OOSP3: variants seen among roughly 807,000 people sequenced by gnomAD.
The protein encoded by OOSP3 is oocyte-secreted protein 3.
intron 2 of OOSP3, among the ~76,000 whole-genome samples, chr11:59,881,290 G>A (rs371872740): frequency 4.0e-5 from 6 of 151,730 alleles, no homozygotes; most frequent in African/African-American, 7.3e-5. Flanking sequence ...GCTTGAACCC[G>A]AGAGGTGGAG....
intron 2 of OOSP3, among the ~76,000 whole-genome samples, chr11:59,890,176 A>T (rs903750690): frequency 6.6e-6 from 1 of 152,108 alleles, no homozygotes; most frequent in Non-Finnish European, 1.5e-5. Flanking sequence ...GTGTCTTTGC[A>T]TATGAGATGT....
rs1404625346 is a variant in OOSP3 at position 59,882,017 on chromosome 11, T to G, written c.252+1578T>G. 2.0e-5 allele frequency among the ~76,000 whole-genome samples: 3 copies of G among 152,372 alleles called. 1 individual carries two copies. The highest frequency in any genetic ancestry group is 2.0e-4 in the Admixed American group (3 of 15,304). ...GCTGTTTCACATCTACAAAACTTAC[T>G]TCATGAAAGTTTGCAGATTTTTAAT... On this transcript the variant is annotated intron_variant, in intron 2 of 4. Transcript: ENST00000646438.
intron 2 of OOSP3, among the ~76,000 whole-genome samples, chr11:59,885,903 T>A (rs1377467569): frequency 6.6e-6 from 1 of 151,992 alleles, no homozygotes; most frequent in African/African-American, 2.4e-5. Flanking sequence ...AAAATTTTAT[T>A]TTATGTTCTG....
chr11:59,889,772 T>C (rs1353620680), intron 2 of OOSP3, among the ~76,000 whole-genome samples: 4 of 152,148 alleles, frequency 2.6e-5, no homozygotes, highest in African/African-American at 9.6e-5. Context: ...TCTGTTGTTT[T>C]GGGGTGTAGA....
At chr11:59,889,273 T>C (rs1853289043) in intron 2 of OOSP3, among the ~76,000 whole-genome samples, 2 of 152,110 alleles carry the variant, frequency 1.3e-5, no homozygotes, top group African/African-American at 4.8e-5. Flanking sequence ...ATTGATTTTT[T>C]TGAAGGGTTT....
chr11:59,889,643 A>G (rs948415619), intron 2 of OOSP3, among the ~76,000 whole-genome samples: 2 of 152,104 alleles, frequency 1.3e-5, no homozygotes, highest in Admixed American at 6.6e-5. Context: ...TAATTTGATT[A>G]TGCTGTGGTC....
At position 59,878,892 on chromosome 11, in the gene OOSP3, C is replaced by T; in HGVS notation, c.73+11C>T. ...CTGAGCAAGAGTCAGGTACAAGTGA[C>T]CTTTATATTTTGTTGTTTGAAGTCA... On this transcript the variant is annotated intron_variant, in intron 1 of 4. Transcript: ENST00000646438. 5.0e-6 allele frequency: 2 copies of T among 398,406 alleles called. No individual in the cohort carries two copies. Among genetic ancestry groups the T allele is most frequent in the Non-Finnish European group, 8.8e-6 (2 of 225,994 alleles). The allele number at this position is 398,406 out of a possible 1,614,324, so 24.7% of individuals were successfully genotyped here. A position where few individuals can be genotyped will look rare whatever the true frequency, so the allele number is the denominator to read the frequency against.
intron 2 of OOSP3, among the ~76,000 whole-genome samples, chr11:59,887,359 A>G (rs1486438067): frequency 1.3e-5 from 2 of 151,858 alleles, no homozygotes; most frequent in Non-Finnish European, 2.9e-5. Flanking sequence ...ATGTCATCAT[A>G]AAATCTTTGC....
At chr11:59,885,086 A>G (rs1273637957) in intron 2 of OOSP3, among the ~76,000 whole-genome samples, 2 of 152,114 alleles carry the variant, frequency 1.3e-5, no homozygotes, top group African/African-American at 2.4e-5. Flanking sequence ...CATAAATGGT[A>G]TTTAATTTTA....
intron 2 of OOSP3, among the ~76,000 whole-genome samples, chr11:59,891,019 A>G (rs1853307225): frequency 6.6e-6 from 1 of 151,972 alleles, no homozygotes; most frequent in African/African-American, 2.4e-5. Context: ...TTATTTCACA[A>G]TATATTCTTC....
At chr11:59,880,265 A>T (rs751574848) in exon 2 of OOSP3, 1 of 398,440 alleles carries the variant, frequency 2.5e-6, no homozygotes, top group South Asian at 1.3e-4. Context: ...CAACAGTGTC[A>T]GTAGGATGTA....
intron 2 of OOSP3, among the ~76,000 whole-genome samples, chr11:59,890,431 T>C (rs1250900445): frequency 1.3e-5 from 2 of 152,222 alleles, no homozygotes; most frequent in African/African-American, 2.4e-5. Flanking sequence ...TTCCTTTCCA[T>C]GTTTAATGCT....
At chr11:59,881,874 A>T (rs117626779) in intron 2 of OOSP3, among the ~76,000 whole-genome samples, 3,119 of 152,328 alleles carry the variant, frequency 0.02, 48 homozygotes, top group Middle Eastern at 0.078. Flanking sequence ...CCGTCTCAAA[A>T]AAATAAATAA....
At chr11:59,890,235 G>T (rs776815276) in intron 2 of OOSP3, among the ~76,000 whole-genome samples, 7 of 152,020 alleles carry the variant, frequency 4.6e-5, no homozygotes, top group Non-Finnish European at 5.9e-5. Context: ...TATCCAGCTT[G>T]CCATTCTGTG....
At chr11:59,889,157 G>C (rs1272736235) in intron 2 of OOSP3, among the ~76,000 whole-genome samples, 1 of 151,604 alleles carries the variant, frequency 6.6e-6, no homozygotes, top group Non-Finnish European at 1.5e-5. Flanking sequence ...TATCATTTCT[G>C]AATGTGTTTA....
At chr11:59,895,775 C>T (rs1853350760) in intron 4 of OOSP3, 123 bp downstream of exon 4, 1 of 396,638 alleles carries the variant, frequency 2.5e-6, no homozygotes, top group African/African-American at 2.1e-5. Context: ...TAGTGTTTAA[C>T]TACATGATGG....
At chr11:59,880,308 A>G (rs1853187810) in exon 2 of OOSP3, 1 of 398,554 alleles carries the variant, frequency 2.5e-6, no homozygotes, top group Non-Finnish European at 4.4e-6. Context: ...GGCTGAACCA[A>G]CTTTACTTGG....
exon 5 of OOSP3, chr11:59,896,387 C>A: frequency 2.6e-6 from 1 of 383,082 alleles, no homozygotes; most frequent in Non-Finnish European, 4.6e-6. Context: ...TAAACATAGG[C>A]CATTATACCC....
At chr11:59,881,633 T>A (rs2134524675) in intron 2 of OOSP3, among the ~76,000 whole-genome samples, 1 of 152,244 alleles carries the variant, frequency 6.6e-6, no homozygotes, top group East Asian at 1.9e-4. Flanking sequence ...AATAGTATAT[T>A]TTGGGAGGCC....
Sources: gnomAD v4.1 joint callset for allele counts (sites outside exome capture counted in the v4.1 genomes callset) on GRCh38, gnomAD v4.1.1 for gene constraint, MANE v1.5 for transcripts, NCBI Gene and HGNC (gene_info 2026-07-23, HGNC 2026-07-21) for gene names.